The following ARHGEF10 variants were observed in gnomAD, a reference collection of about 807,000 sequenced individuals.
The protein encoded by ARHGEF10 is Rho guanine nucleotide exchange factor (GEF) 10.
In ARHGEF10, 140 loss-of-function variants were observed where a neutral mutation model predicts 147.4. That is an observed-to-expected ratio of 0.95 (90% CI 0.83 to 1.09). The LOEUF is 1.09. Among genes scored for constraint, ARHGEF10 ranks in the 50% least tolerant of loss-of-function variants. The probability of loss-of-function intolerance (pLI) is 0.00; values close to 1 mark genes in which losing one functional copy is unlikely to be tolerated. For missense variants in ARHGEF10, 2,222 were observed against 1,752.7 expected, an observed-to-expected ratio of 1.27 and a Z score of -4.78; for synonymous variants, 902 against 695.8, an observed-to-expected ratio of 1.30 and a Z score of -4.67.
At chr8:1,950,145 CG>C in intron 27 of ARHGEF10, among the ~76,000 whole-genome samples, 1 of 152,314 alleles carries the variant, frequency 6.6e-6, no homozygotes, top group East Asian at 1.9e-4. Flanking sequence ...GCTGCATCAC[CG>C]TTCACCACCT....
chr8:1,827,557 C>T (rs1802841890), intron 1 of ARHGEF10, among the ~76,000 whole-genome samples: 1 of 152,192 alleles, frequency 6.6e-6, no homozygotes, highest in Non-Finnish European at 1.5e-5. Context: ...CCACCTGCCT[C>T]AGCCTCCCAA....
intron 18 of ARHGEF10, among the ~76,000 whole-genome samples, chr8:1,922,631 A>T (rs1051102750): frequency 6.6e-6 from 1 of 152,126 alleles, no homozygotes; most frequent in Non-Finnish European, 1.5e-5. Flanking sequence ...AGGTTTGAAG[A>T]CGGTCTGTAG....
At chr8:1,953,729 C>A (rs1815248523) in intron 28 of ARHGEF10, among the ~76,000 whole-genome samples, 1 of 152,198 alleles carries the variant, frequency 6.6e-6, no homozygotes, top group African/African-American at 2.4e-5. Flanking sequence ...TAGAACACAG[C>A]CAGCAGAAGT....
chr8:1,901,386 C>T (rs187231574), intron 15 of ARHGEF10, among the ~76,000 whole-genome samples: 5 of 152,162 alleles, frequency 3.3e-5, no homozygotes, highest in Admixed American at 3.3e-4. Flanking sequence ...CTTTCTAAGA[C>T]AGGTGCTGTG....
intron 11 of ARHGEF10, among the ~76,000 whole-genome samples, chr8:1,888,921 G>GAA (rs1809097636): frequency 7.4e-5 from 7 of 95,126 alleles, no homozygotes; most frequent in Non-Finnish European, 1.5e-4. Context: ...TGAGGAGACA[G>GAA]TGGGGTGAGG....
At chr8:1,956,658 A>G in intron 28 of ARHGEF10, 91 bp from the exon 29 acceptor site, 3 of 1,381,188 alleles carry the variant, frequency 2.2e-6, no homozygotes, top group East Asian at 2.3e-5. Context: ...GCAGGGAGGA[A>G]TGCGTTGGGG....
At chr8:1,927,481 G>A (rs1399085099) in intron 23 of ARHGEF10, 2 of 152,024 alleles carry the variant, frequency 1.3e-5, no homozygotes, top group African/African-American at 4.8e-5. Context: ...TCTGTTTACA[G>A]GGATCAGACC....
chr8:1,913,550 A>T (rs997955772), intron 18 of ARHGEF10, among the ~76,000 whole-genome samples: 2 of 152,262 alleles, frequency 1.3e-5, no homozygotes, highest in African/African-American at 4.8e-5. Flanking sequence ...TTAACGGAAC[A>T]GGATTGGCCT....
intron 1 of ARHGEF10, among the ~76,000 whole-genome samples, chr8:1,842,947 G>T (rs1804207562): frequency 6.6e-6 from 1 of 151,872 alleles, no homozygotes; most frequent in Non-Finnish European, 1.5e-5. Flanking sequence ...GGAGTGGAGA[G>T]GGCCGTCAGC....
In ARHGEF10 at chr8:1,903,289, G is replaced by A; in HGVS notation, c.1659G>A (p.Leu553=). ...PQFILLLQDM[L]KNTSKGHPDR... Reference sequence around the variant, plus strand: ...TCCCCTGTTGCTTGTAGGACATGCTGAAGAACACCTCCAAAGGCCACCCCG... The same window carrying A: ...TCCCCTGTTGCTTGTAGGACATGCTAAAGAACACCTCCAAAGGCCACCCCG... Residue 553 remains leucine, a synonymous_variant, in exon 16 of 29, where the codon CTG becomes CTA. Coordinates refer to ENST00000349830, the MANE Select transcript of ARHGEF10 (RefSeq NM_014629.4). The A allele has an allele frequency of 6.2e-7, 1 of 1,614,106 alleles. No homozygotes were observed. Among genetic ancestry groups the A allele is most frequent in the South Asian group, 1.1e-5 (1 of 91,086 alleles).
chr8:1,866,707 C>CT, intron 6 of ARHGEF10, 105 bp downstream of exon 6: 3 of 1,073,428 alleles, frequency 2.8e-6, no homozygotes, highest in Non-Finnish European at 4.3e-6. Flanking sequence ...ATCTAAAACT[C>CT]TAAAAAGATG....
At chr8:1,935,395 A>G (rs1813502600) in intron 26 of ARHGEF10, among the ~76,000 whole-genome samples, 1 of 152,106 alleles carries the variant, frequency 6.6e-6, no homozygotes, top group Non-Finnish European at 1.5e-5. Context: ...ATTGTCCACC[A>G]CTACAGCATC....
At chr8:1,849,064 C>T (rs1260160469) in intron 2 of ARHGEF10, among the ~76,000 whole-genome samples, 3 of 152,188 alleles carry the variant, frequency 2.0e-5, no homozygotes, top group African/African-American at 7.2e-5. Context: ...GTGCTGGTCA[C>T]CCCTAGACAC....
intron 18 of ARHGEF10, among the ~76,000 whole-genome samples, chr8:1,921,085 C>T (rs17064385): frequency 0.021 from 3,247 of 152,136 alleles, 132 homozygotes; most frequent in African/African-American, 0.074. Flanking sequence ...TATGCCTGGC[C>T]GCTCCCTTTG....
At chr8:1,908,550 G>A (rs1563268864) in intron 17 of ARHGEF10, among the ~76,000 whole-genome samples, 1 of 152,040 alleles carries the variant, frequency 6.6e-6, no homozygotes, top group Admixed American at 6.6e-5. Context: ...GATTTTTAAC[G>A]GCAATATCTT....
chr8:1,930,804 G>C (rs1204215412), intron 25 of ARHGEF10, among the ~76,000 whole-genome samples: 1 of 152,224 alleles, frequency 6.6e-6, no homozygotes, highest in African/African-American at 2.4e-5. Context: ...CCTGCGCCAA[G>C]AAGGCCTGGA....
intron 13 of ARHGEF10, among the ~76,000 whole-genome samples, chr8:1,895,526 TAAAA>T (rs569761802): frequency 2.0e-3 from 300 of 152,220 alleles, no homozygotes; most frequent in African/African-American, 6.2e-3. Flanking sequence ...TATGGATCCT[TAAAA>T]AAAGAGAAAT....
rs1808952268 is a variant in ARHGEF10 at position 1,888,289 on chromosome 8, G to GACACTTA, written c.1182+2582_1182+2583insACACTTA. On this transcript the variant is annotated intron_variant, in intron 11 of 28. Transcript: ENST00000349830. ...AGTGGGGCTGTAGGTTCTGAGGAGG[G>GACACTTA]GTGGGGTGAGGGTTTGTGAGGATAT... is the stretch of plus-strand genomic sequence containing the variant. Among the ~76,000 whole-genome samples the GACACTTA allele has an allele frequency of 3.0e-5, 2 of 66,006 alleles. 1 individual carries two copies. Among genetic ancestry groups the GACACTTA allele is most frequent in the African/African-American group, 1.3e-4 (2 of 15,876 alleles). The allele number at this position is 66,006 out of a possible 152,430, so 43.3% of individuals were successfully genotyped here.
intron 2 of ARHGEF10, among the ~76,000 whole-genome samples, chr8:1,850,816 G>C (rs552734007): frequency 6.6e-6 from 1 of 152,188 alleles, no homozygotes; most frequent in Non-Finnish European, 1.5e-5. Context: ...TTCAGGAGGT[G>C]AATGGATGGA....
Sources: gnomAD v4.1 joint callset for allele counts (sites outside exome capture counted in the v4.1 genomes callset) on GRCh38, gnomAD v4.1.1 for gene constraint, MANE v1.5 for transcripts, NCBI Gene and HGNC (gene_info 2026-07-23, HGNC 2026-07-21) for gene names.